CFAP20DC: variants seen among roughly 807,000 people sequenced by gnomAD.
The protein encoded by CFAP20DC is CFAP20 domain containing, also known as protein CFAP20DC.
In CFAP20DC, 84 loss-of-function variants were observed where a neutral mutation model predicts 101.7. The observed-to-expected ratio is 0.83, with a 90% confidence interval of 0.69 to 0.99. The LOEUF is 0.99. CFAP20DC is among the 50% of genes least tolerant of loss of function. The probability of loss-of-function intolerance (pLI) is 0.00; values close to 1 mark genes in which losing one functional copy is unlikely to be tolerated. For synonymous variants in CFAP20DC, 359 were observed against 351.2 expected (o/e 1.02, Z -0.25); for missense variants, 1,007 against 970.3 (o/e 1.04, Z -0.50).
rs571768879 is a variant in CFAP20DC at position 58,932,480 on chromosome 3, C to T, written c.393+5168G>A. Among the ~76,000 whole-genome samples the T allele has an allele frequency of 1.6e-3, 236 of 152,002 alleles. 1 individual carries two copies. Among genetic ancestry groups the T allele is most frequent in the East Asian group, 5.2e-3 (27 of 5,180 alleles). On this transcript the variant is annotated intron_variant, in intron 5 of 16. Coordinates refer to ENST00000482387, the MANE Select transcript of CFAP20DC (RefSeq NM_001394063.1). ...CCAAGACACATAATTGTCAGATTCA[C>T]CAAAGTTGAAATGAAGGAAAAAATG... is the stretch of plus-strand genomic sequence containing the variant.
At chr3:58,780,748 T>C (rs1254402380) in intron 15 of CFAP20DC, among the ~76,000 whole-genome samples, 2 of 151,984 alleles carry the variant, frequency 1.3e-5, no homozygotes, top group African/African-American at 2.4e-5. Context: ...TATCTAAATA[T>C]ATATGCAGCC....
intron 14 of CFAP20DC, among the ~76,000 whole-genome samples, chr3:58,814,691 C>A (rs993773272): frequency 2.0e-5 from 3 of 150,740 alleles, no homozygotes; most frequent in African/African-American, 7.5e-5. Flanking sequence ...ACAAAAATCA[C>A]AAGCATTCTG....
chr3:58,848,341 C>G (rs568850160), intron 13 of CFAP20DC, among the ~76,000 whole-genome samples: 7 of 152,256 alleles, frequency 4.6e-5, no homozygotes, highest in African/African-American at 1.7e-4. Flanking sequence ...TACAATGCAA[C>G]ACCCACAGAA....
At chr3:58,885,088 A>G (rs1250487439) in intron 6 of CFAP20DC, among the ~76,000 whole-genome samples, 3 of 152,198 alleles carry the variant, frequency 2.0e-5, no homozygotes, top group Non-Finnish European at 4.4e-5. Context: ...TATGAGATCA[A>G]TAAGTACAAA....
At chr3:59,048,770 A>T (rs1199391736) in intron 1 of CFAP20DC, among the ~76,000 whole-genome samples, 1 of 152,184 alleles carries the variant, frequency 6.6e-6, no homozygotes, top group Admixed American at 6.5e-5. Context: ...ACAGTAACAA[A>T]CGTTCATCAG....
At position 58,788,344 on chromosome 3, in the gene CFAP20DC, C is replaced by T. The variant is rs1352828979; in HGVS notation, c.2237+18051G>A. ...ACAAATTAAATTCACATTTAAACCA[C>T]GGTTACCGGGGAAATCCTATTGGTG... On this transcript the variant is annotated intron_variant, in intron 15 of 16. Transcript: ENST00000482387. This position sits in a 1 kb window ranked among gnomAD's most constrained non-coding sequence, Gnocchi z 4.2. 4.6e-5 allele frequency among the ~76,000 whole-genome samples: 7 copies of T among 152,150 alleles called. No homozygotes were observed. The East Asian group carries it at 9.7e-4, about 21-fold the overall frequency.
At chr3:58,910,906 C>A (rs866256005) in intron 6 of CFAP20DC, among the ~76,000 whole-genome samples, 1 of 151,830 alleles carries the variant, frequency 6.6e-6, no homozygotes, top group Admixed American at 6.6e-5. Flanking sequence ...TACCAAGAGA[C>A]AAGACCAAGG....
intron 4 of CFAP20DC, among the ~76,000 whole-genome samples, chr3:58,960,043 T>C (rs546309181): frequency 2.8e-4 from 42 of 152,348 alleles, no homozygotes; most frequent in Admixed American, 9.1e-4. Flanking sequence ...AACCAAATTG[T>C]CTATGGAGTT....
At chr3:58,832,468 T>C (rs757421471) in intron 13 of CFAP20DC, among the ~76,000 whole-genome samples, 7 of 152,178 alleles carry the variant, frequency 4.6e-5, no homozygotes, top group Non-Finnish European at 8.8e-5. Context: ...CAAAGTAGTT[T>C]TTTTTTTAAA....
At chr3:59,034,090 A>T (rs2094048543) in intron 4 of CFAP20DC, among the ~76,000 whole-genome samples, 2 of 152,222 alleles carry the variant, frequency 1.3e-5, no homozygotes, top group African/African-American at 4.8e-5. Flanking sequence ...ATATCCAGTC[A>T]AACTAAGCTT....
At chr3:58,944,084 A>G (rs2089010976) in intron 4 of CFAP20DC, among the ~76,000 whole-genome samples, 1 of 152,210 alleles carries the variant, frequency 6.6e-6, no homozygotes. Flanking sequence ...TAAAATGACC[A>G]AACCTACATT....
intron 14 of CFAP20DC, among the ~76,000 whole-genome samples, chr3:58,807,673 A>T (rs1288631638): frequency 3.3e-5 from 5 of 152,254 alleles, no homozygotes; most frequent in African/African-American, 1.2e-4. Flanking sequence ...TCCTCATCCA[A>T]AGGAACGCAG....
intron 5 of CFAP20DC, among the ~76,000 whole-genome samples, chr3:58,916,523 C>T (rs1371236703): frequency 6.6e-6 from 1 of 152,080 alleles, no homozygotes; most frequent in Non-Finnish European, 1.5e-5. Context: ...TGTGTATGAA[C>T]ACATTAAGAT....
chr3:58,879,995 G>A (rs939833583), intron 7 of CFAP20DC, among the ~76,000 whole-genome samples: 8 of 151,460 alleles, frequency 5.3e-5, no homozygotes, highest in Admixed American at 4.6e-4. Context: ...ATATTAAACA[G>A]AAAAATATAT....
intron 15 of CFAP20DC, among the ~76,000 whole-genome samples, chr3:58,803,401 T>G (rs999567817): frequency 3.9e-5 from 6 of 152,224 alleles, no homozygotes; most frequent in Non-Finnish European, 7.3e-5. Context: ...TACCTTCTCA[T>G]TTCTTATATT....
chr3:58,848,030 G>C (rs1289000270), intron 13 of CFAP20DC, among the ~76,000 whole-genome samples: 1 of 114,474 alleles, frequency 8.7e-6, no homozygotes, highest in African/African-American at 3.3e-5. Flanking sequence ...GGTGGGGGGA[G>C]GGGGGAGGGA....
chr3:58,945,700 T>C (rs1377778309), intron 4 of CFAP20DC, among the ~76,000 whole-genome samples: 1 of 150,964 alleles, frequency 6.6e-6, no homozygotes, highest in African/African-American at 2.4e-5. Flanking sequence ...TCACTTTCTT[T>C]TTTTTTTTTT....
At chr3:58,905,561 A>G (rs1229908381) in intron 6 of CFAP20DC, among the ~76,000 whole-genome samples, 1 of 152,228 alleles carries the variant, frequency 6.6e-6, no homozygotes, top group East Asian at 1.9e-4. Context: ...TTCACTTTCT[A>G]TTATATCCCA....
At chr3:59,023,832 T>A (rs2093846508) in intron 4 of CFAP20DC, among the ~76,000 whole-genome samples, 1 of 152,168 alleles carries the variant, frequency 6.6e-6, no homozygotes, top group South Asian at 2.1e-4. Flanking sequence ...TTTGACTTTG[T>A]ATTATTACCC....
Sources: gnomAD v4.1 joint callset for allele counts (sites outside exome capture counted in the v4.1 genomes callset) on GRCh38, gnomAD v4.1.1 for gene constraint, Gnocchi (gnomAD v3.1) non-coding constraint, MANE v1.5 for transcripts, NCBI Gene and HGNC (gene_info 2026-07-23, HGNC 2026-07-21) for gene names.